Variants in CNTFR observed in about 807,000 individuals in gnomAD.
CNTFR encodes ciliary neurotrophic factor receptor, also known as ciliary neurotrophic factor receptor subunit alpha.
Under a neutral mutation model 40.4 loss-of-function variants are expected in CNTFR, and 12 were observed. The observed-to-expected ratio is 0.30, with a 90% CI of 0.19 to 0.48. The LOEUF is 0.48. Ranked by LOEUF, CNTFR falls within the 20% of genes least tolerant of loss-of-function variation. The pLI is 0.99. For missense variants in CNTFR, 414 were observed against 506.8 expected, an observed-to-expected ratio of 0.82 and a Z score of 1.76; for synonymous variants, 202 against 209.6, an observed-to-expected ratio of 0.96 and a Z score of 0.31.
chr9:34,590,354 T>C (rs1332520286), upstream of CNTFR, among the ~76,000 whole-genome samples: 1 of 152,020 alleles, frequency 6.6e-6, no homozygotes, highest in African/African-American at 2.4e-5. Context: ...CCGGGCCAAC[T>C]CTCGGGGTCC....
intron 2 of CNTFR, among the ~76,000 whole-genome samples, chr9:34,575,231 T>A (rs1826893686): frequency 1.3e-5 from 2 of 151,998 alleles, no homozygotes; most frequent in African/African-American, 4.8e-5. Flanking sequence ...CCCAGTCCAG[T>A]CTCTTCTGGC....
chr9:34,585,217 G>A (rs987734235), intron 1 of CNTFR, among the ~76,000 whole-genome samples: 1 of 152,164 alleles, frequency 6.6e-6, no homozygotes, highest in African/African-American at 2.4e-5. Context: ...GGTGAGCAAG[G>A]GAGACCCAGT....
At chr9:34,581,011 A>G (rs1827263754) in intron 2 of CNTFR, 84 bp downstream of exon 2, 1 of 152,168 alleles carries the variant, frequency 6.6e-6, no homozygotes, top group Non-Finnish European at 1.5e-5. Flanking sequence ...GTCCTCCTCC[A>G]CTCATGTCCC....
At chr9:34,579,593 A>T (rs925739006) in intron 2 of CNTFR, among the ~76,000 whole-genome samples, 3 of 151,752 alleles carry the variant, frequency 2.0e-5, no homozygotes, top group Non-Finnish European at 4.4e-5. Flanking sequence ...AGAGAGGGTG[A>T]TGGAGAGAGA....
chr9:34,571,965 A>G (rs932900528), intron 2 of CNTFR, among the ~76,000 whole-genome samples: 3 of 151,978 alleles, frequency 2.0e-5, no homozygotes, highest in African/African-American at 7.3e-5. Context: ...GAGAGAAGAG[A>G]GGAGACCCCT....
chr9:34,555,164 T>C (rs562387116), intron 7 of CNTFR, among the ~76,000 whole-genome samples: 62 of 152,342 alleles, frequency 4.1e-4, no homozygotes, highest in African/African-American at 1.3e-3. Flanking sequence ...CTTGTGAAAC[T>C]AGACCCTGGT....
At chr9:34,555,882 T>TGCCCGCCATCTCCCTC (rs1825810728) in intron 7 of CNTFR, among the ~76,000 whole-genome samples, 1 of 148,306 alleles carries the variant, frequency 6.7e-6, no homozygotes, top group Non-Finnish European at 1.5e-5. Context: ...TTGCCTGTCC[T>TGCCCGCCATCTCCCTC]GCCCGCCATC....
In CNTFR at chr9:34,552,840, G is replaced by A. The variant is rs767690198; in HGVS notation, c.783C>T (p.Asp261=). ...CATCTGTGATGGTGTGTGCTGTGCC[G>A]TCGGACAGCTCCACCTGCAGCCAGA... ...LDQWQHVELS[D]GTAHTITDAY... Residue 261 remains aspartate (D), a synonymous_variant, in exon 8 of 10, where the codon GAC becomes GAT. Coordinates refer to ENST00000378980, the MANE Select transcript of CNTFR (RefSeq NM_147164.3). This position sits in a 1 kb window ranked among gnomAD's most constrained non-coding sequence, Gnocchi z 5.1. The A allele has an allele frequency of 9.9e-6, 16 of 1,611,584 alleles. No homozygotes were observed. The highest frequency in any genetic ancestry group is 4.4e-5 in the South Asian group (4 of 91,000).
At chr9:34,590,688 A>G (rs900276232), upstream of CNTFR, among the ~76,000 whole-genome samples, 3 of 152,132 alleles carry the variant, frequency 2.0e-5, no homozygotes, top group African/African-American at 7.2e-5. Flanking sequence ...TGCCGGGCAC[A>G]GGCGCACCCC....
At position 34,564,657 on chromosome 9, in the gene CNTFR, G is replaced by A. The variant is rs763761871; in HGVS notation, c.261C>T (p.Tyr87=). 5.0e-6 allele frequency: 8 copies of A among 1,613,724 alleles called. No individual in the cohort carries two copies. The highest frequency in any genetic ancestry group is 3.3e-5 in the South Asian group (3 of 90,950). ...GCCAGGAGTCACGGTGGAAGCAGGC[G>A]TAGAGGCCACTGTGGCCCAGTTCCA... ...HGLELGHSGL[Y]ACFHRDSWHL... is the part of the protein sequence containing the mutation. Residue 87 remains tyrosine, a synonymous_variant, in exon 4 of 10, where the codon TAC becomes TAT. Coordinates refer to ENST00000378980, the MANE Select transcript of CNTFR (RefSeq NM_147164.3).
At chr9:34,576,123 C>T (rs567379986) in intron 2 of CNTFR, among the ~76,000 whole-genome samples, 2 of 152,324 alleles carry the variant, frequency 1.3e-5, no homozygotes, top group African/African-American at 4.8e-5. Context: ...GCCCCCGCCT[C>T]CTCAGACACA....
chr9:34,573,374 T>C (rs560539975), intron 2 of CNTFR, among the ~76,000 whole-genome samples: 13 of 152,170 alleles, frequency 8.5e-5, no homozygotes, highest in Non-Finnish European at 1.8e-4. Context: ...TGATCTGTAA[T>C]AGTGTGTTGC....
At chr9:34,559,893 C>G (rs1050316184) in intron 4 of CNTFR, among the ~76,000 whole-genome samples, 13 of 152,144 alleles carry the variant, frequency 8.5e-5, no homozygotes, top group African/African-American at 1.9e-4. Context: ...CAGGCTCCCC[C>G]ACTCCCCGAC....
At chr9:34,583,511 C>A (rs1827411082) in intron 1 of CNTFR, among the ~76,000 whole-genome samples, 1 of 152,198 alleles carries the variant, frequency 6.6e-6, no homozygotes, top group African/African-American at 2.4e-5. Flanking sequence ...TCCCAGACAG[C>A]CCGAATCTCT....
intron 2 of CNTFR, chr9:34,569,935 CTGAGA>C (rs1313051804): frequency 6.6e-6 from 1 of 152,272 alleles, no homozygotes; most frequent in Non-Finnish European, 1.5e-5. Context: ...GTCCTGCTTC[CTGAGA>C]TGAGTCCAAC....
chr9:34,556,513 A>G, intron 6 of CNTFR, 95 bp from the exon 7 acceptor site: 3 of 1,249,028 alleles, frequency 2.4e-6, no homozygotes, highest in Non-Finnish European at 3.4e-6. Flanking sequence ...CATATTGCCA[A>G]CCATTGTCAT....
At chr9:34,570,313 C>T (rs983677792) in intron 2 of CNTFR, among the ~76,000 whole-genome samples, 1 of 151,952 alleles carries the variant, frequency 6.6e-6, no homozygotes, top group Non-Finnish European at 1.5e-5. Flanking sequence ...AGATAACCAG[C>T]CAGAGAGGTG....
Position 34,551,659 on chromosome 9 carries a change from C to T in CNTFR, c.*412G>A. ...CTGGGGGGAGGGGGATGGCTGGGCC[C>T]CCCCAGCATCAGGAGCTTATAATCT... On this transcript the variant is annotated 3_prime_UTR_variant, in exon 10 of 10. Coordinates refer to ENST00000378980, the MANE Select transcript of CNTFR (RefSeq NM_147164.3). 3.0e-6 allele frequency: 1 copy of T among 336,620 alleles called. No individual in the cohort carries two copies. The allele number at this position is 336,620 out of a possible 1,614,324, so 20.9% of individuals were successfully genotyped here.
At chr9:34,585,992 G>C (rs557407949) in intron 1 of CNTFR, among the ~76,000 whole-genome samples, 2 of 152,326 alleles carry the variant, frequency 1.3e-5, no homozygotes, top group South Asian at 4.1e-4. Context: ...GCTGGAGAGC[G>C]TGTGTCCCCT....
Sources: gnomAD v4.1 joint callset for allele counts (sites outside exome capture counted in the v4.1 genomes callset) on GRCh38, gnomAD v4.1.1 for gene constraint, Gnocchi (gnomAD v3.1) non-coding constraint, MANE v1.5 for transcripts, NCBI Gene and HGNC (gene_info 2026-07-23, HGNC 2026-07-21) for gene names.